MAD1L1: variants seen among roughly 807,000 people sequenced by gnomAD.
MAD1L1 encodes mitotic arrest deficient 1 like 1, also known as mitotic spindle assembly checkpoint protein MAD1.
MAD1L1 carries 95 observed loss-of-function variants against 96.9 expected under a neutral mutation model. The observed-to-expected ratio is 0.98, with a 90% CI of 0.83 to 1.16. The LOEUF is 1.16. Among genes scored for constraint, MAD1L1 ranks in the 50% most tolerant of loss-of-function variants. The pLI, the probability that MAD1L1 is intolerant of heterozygous loss-of-function variation, is 0.00. For synonymous variants in MAD1L1, 473 were observed against 396.6 expected (o/e 1.19, Z -2.29); for missense variants, 1,007 against 954.4 (o/e 1.06, Z -0.73).
chr7:1,892,255 G>C (rs575594322), intron 18 of MAD1L1, among the ~76,000 whole-genome samples: 66 of 152,326 alleles, frequency 4.3e-4, no homozygotes, highest in African/African-American at 1.2e-3. Context: ...GGTGCGGGAG[G>C]CTGCACGGCC....
intron 10 of MAD1L1, chr7:2,175,371 C>T (rs917358455): frequency 6.6e-6 from 1 of 152,014 alleles, no homozygotes; most frequent in Non-Finnish European, 1.5e-5. Flanking sequence ...TTTCCCCACT[C>T]CCAAATTAGC....
chr7:1,893,970 G>A (rs6950985), intron 18 of MAD1L1, among the ~76,000 whole-genome samples: 4,030 of 152,338 alleles, frequency 0.026, 165 homozygotes, highest in African/African-American at 0.091. Flanking sequence ...TTCACTGTTT[G>A]TCTCTTCCCT....
chr7:2,208,735 C>T (rs1339445311), intron 10 of MAD1L1, among the ~76,000 whole-genome samples: 3 of 152,158 alleles, frequency 2.0e-5, no homozygotes, highest in East Asian at 1.9e-4. Flanking sequence ...CAGCCTCACG[C>T]CATCTTTCCC....
In MAD1L1 at chr7:2,222,592, G is replaced by A; in HGVS notation, c.454C>T (p.Leu152=). 1 of 1,609,700 alleles carries A rather than the reference G, an allele frequency of 6.2e-7. No individual in the cohort carries two copies. Among genetic ancestry groups the A allele is most frequent in the Non-Finnish European group, 8.5e-7 (1 of 1,178,338 alleles). The change falls in exon 5 of 19, where the codon CTG becomes TTG. Residue 152 remains leucine, a synonymous_variant. Transcript: ENST00000265854. ...SKRLREKEDS[L]AQAGETINAL... is the part of the protein sequence containing the mutation. ...CCGCTCACCTCGCCAGCCTGGGCCAGACTGTCCTCTTTCTCACGCAGCCTC... is the reference window on the plus strand; with the variant it reads ...CCGCTCACCTCGCCAGCCTGGGCCAAACTGTCCTCTTTCTCACGCAGCCTC...
chr7:2,099,027 C>T (rs972066081), intron 11 of MAD1L1, among the ~76,000 whole-genome samples: 18 of 152,204 alleles, frequency 1.2e-4, no homozygotes, highest in Middle Eastern at 3.2e-3. Context: ...GGCATGGACA[C>T]GGAGGCCTCC....
chr7:1,887,402 T>C (rs1786130581), intron 18 of MAD1L1, among the ~76,000 whole-genome samples: 1 of 98,014 alleles, frequency 1.0e-5, no homozygotes, highest in Non-Finnish European at 2.0e-5. Flanking sequence ...TGTATGTGGC[T>C]GCCTGTGCAT....
chr7:1,866,139 T>C (rs1784769711), intron 18 of MAD1L1, among the ~76,000 whole-genome samples: 1 of 151,946 alleles, frequency 6.6e-6, no homozygotes, highest in Admixed American at 6.6e-5. Context: ...GGCTGGTTGG[T>C]GGGAGGGGGG....
chr7:1,847,754 C>T (rs1239238900), intron 18 of MAD1L1: 1 of 467,490 alleles, frequency 2.1e-6, no homozygotes, highest in Admixed American at 2.3e-5. Context: ...ACACGGAACA[C>T]ACTTGCTGCG....
chr7:2,151,110 T>C (rs566200134), intron 10 of MAD1L1, among the ~76,000 whole-genome samples: 130 of 152,302 alleles, frequency 8.5e-4, no homozygotes, highest in African/African-American at 2.7e-3. Context: ...GAGTTAAAAA[T>C]ATCAGTACGA....
At chr7:1,882,266 C>T (rs183001586) in intron 18 of MAD1L1, among the ~76,000 whole-genome samples, 170 of 152,296 alleles carry the variant, frequency 1.1e-3, no homozygotes, top group African/African-American at 3.8e-3. Context: ...TTAGCACACG[C>T]GAACATAGTG....
intron 17 of MAD1L1, among the ~76,000 whole-genome samples, chr7:1,905,673 G>T (rs1451077795): frequency 6.6e-6 from 1 of 152,230 alleles, no homozygotes; most frequent in Admixed American, 6.5e-5. Flanking sequence ...AGCTCTGTGG[G>T]CCTGGGCTCT....
intron 18 of MAD1L1, chr7:1,838,961 G>A (rs1783084214): frequency 5.2e-6 from 2 of 385,052 alleles, no homozygotes; most frequent in South Asian, 4.0e-5. Context: ...GCTCTGGGAG[G>A]TCAGCAGAGA....
rs749146714 is a variant in MAD1L1 at position 2,121,397 on chromosome 7, G to A, written c.1073+27755C>T. 1.8e-3 allele frequency among the ~76,000 whole-genome samples: 277 copies of A among 152,332 alleles called. 1 individual carries two copies. Among genetic ancestry groups the A allele is most frequent in the Non-Finnish European group, 3.0e-3 (207 of 68,022 alleles). ...GGCTGCGGATACGCCACACACACTCGGTCCAGCTGGAGCCTCCCGGGCAGT... is the reference window on the plus strand; with the variant it reads ...GGCTGCGGATACGCCACACACACTCAGTCCAGCTGGAGCCTCCCGGGCAGT... On this transcript the variant is annotated intron_variant, in intron 11 of 18. Coordinates refer to ENST00000265854, the MANE Select transcript of MAD1L1 (RefSeq NM_001013836.2).
chr7:2,137,448 G>A (rs925333870), intron 11 of MAD1L1, among the ~76,000 whole-genome samples: 1 of 152,122 alleles, frequency 6.6e-6, no homozygotes, highest in Non-Finnish European at 1.5e-5. Context: ...TAACAGAAAC[G>A]TCACAGAGCG....
intron 10 of MAD1L1, among the ~76,000 whole-genome samples, chr7:2,200,725 G>A (rs1452029359): frequency 2.0e-5 from 3 of 152,192 alleles, no homozygotes; most frequent in Non-Finnish European, 4.4e-5. Context: ...TGCACAAACG[G>A]TGCTACCACG....
chr7:2,014,511 G>C lies in MAD1L1; in HGVS notation c.1350C>G (p.Ala450=). Residue 450 remains alanine (A), a synonymous_variant, in exon 13 of 19, where the codon GCC becomes GCG. Coordinates refer to ENST00000265854, the MANE Select transcript of MAD1L1 (RefSeq NM_001013836.2). ...DMVQKVHSHS[A]EMEAQLSQAL... Reference sequence around the variant, plus strand: ...GCCCGCGGCCCCTCACCTCCATCTCGGCGCTGTGGCTGTGCACCTTCTGCA... The same window carrying C: ...GCCCGCGGCCCCTCACCTCCATCTCCGCGCTGTGGCTGTGCACCTTCTGCA... 1.3e-6 allele frequency: 2 copies of C among 1,590,024 alleles called. No individual in the cohort carries two copies. Among genetic ancestry groups the C allele is most frequent in the Non-Finnish European group, 8.5e-7 (1 of 1,170,030 alleles).
At chr7:2,071,148 G>A (rs1785107207) in intron 11 of MAD1L1, among the ~76,000 whole-genome samples, 1 of 152,210 alleles carries the variant, frequency 6.6e-6, no homozygotes, top group Non-Finnish European at 1.5e-5. Context: ...GCACTTTCTT[G>A]GGCGGTGGTC....
At position 2,103,622 on chromosome 7, in the gene MAD1L1, G is replaced by A. The variant is rs957786027; in HGVS notation, c.1074-34284C>T. ...CCCCTGCGAAGGCCTCTCAGGAGCC[G>A]GGCAGCACAGCCAGAACACTGAGAC... is the stretch of plus-strand genomic sequence containing the variant. On this transcript the variant is annotated intron_variant, in intron 11 of 18. Coordinates refer to ENST00000265854, the MANE Select transcript of MAD1L1 (RefSeq NM_001013836.2). This position sits in a 1 kb window ranked among gnomAD's most constrained non-coding sequence, Gnocchi z 4.3. 6.6e-6 allele frequency among the ~76,000 whole-genome samples: 1 copy of A among 152,148 alleles called. No homozygotes were observed. Among genetic ancestry groups the A allele is most frequent in the Non-Finnish European group, 1.5e-5 (1 of 68,024 alleles).
At chr7:2,098,739 C>T (rs1353003480) in intron 11 of MAD1L1, among the ~76,000 whole-genome samples, 1 of 131,000 alleles carries the variant, frequency 7.6e-6, no homozygotes, top group African/African-American at 2.9e-5. Context: ...AGCTGCCCGG[C>T]ATGAGCCAGA....
Sources: gnomAD v4.1 joint callset for allele counts (sites outside exome capture counted in the v4.1 genomes callset) on GRCh38, gnomAD v4.1.1 for gene constraint, Gnocchi (gnomAD v3.1) non-coding constraint, MANE v1.5 for transcripts, NCBI Gene and HGNC (gene_info 2026-07-23, HGNC 2026-07-21) for gene names.